Variants in PTPRM observed in about 807,000 individuals in gnomAD.
PTPRM encodes the protein receptor-type tyrosine-protein phosphatase mu.
In PTPRM, 47 loss-of-function variants were observed where a neutral mutation model predicts 186.7. The observed-to-expected ratio is 0.25, with a 90% CI of 0.20 to 0.32. The LOEUF is 0.32. PTPRM is among the 10% of genes least tolerant of loss of function. PTPRM has a pLI of 1.00. For synonymous variants in PTPRM, 668 were observed against 674.9 expected (o/e 0.99, Z 0.16); for missense variants, 1,494 against 1,865.0 (o/e 0.80, Z 3.66).
intron 1 of PTPRM, among the ~76,000 whole-genome samples, chr18:7,745,983 C>T (rs962275703): frequency 2.0e-5 from 3 of 152,000 alleles, no homozygotes; most frequent in Non-Finnish European, 4.4e-5. Context: ...AATACAGAAA[C>T]AAACCTATGA....
rs945669614 is a variant in PTPRM, at chr18:8,088,952, C to G, written c.1856+101C>G. The G allele has an allele frequency of 1.6e-5, 14 of 887,874 alleles. No individual in the cohort carries two copies. In the African/African-American group the frequency reaches 1.8e-4, roughly 12 times the overall value. The allele number at this position is 887,874 out of a possible 1,614,324, so 55.0% of individuals were successfully genotyped here. A position where few individuals can be genotyped will look rare whatever the true frequency, so the allele number is the denominator to read the frequency against. ...TCTAGGGATTTGCTGCAAATCTCAG[C>G]CAGCATGTAAATCCATATGTTTATT... On this transcript the variant is annotated intron_variant, in intron 11 of 32. Transcript: ENST00000580170.
At chr18:7,665,854 G>A (rs753501033) in intron 1 of PTPRM, among the ~76,000 whole-genome samples, 1 of 152,038 alleles carries the variant, frequency 6.6e-6, no homozygotes, top group East Asian at 1.9e-4. Context: ...CCCGGGAGGC[G>A]GAGATTGCAG....
chr18:7,604,904 G>A (rs55669819), intron 1 of PTPRM, among the ~76,000 whole-genome samples: 6,783 of 152,258 alleles, frequency 0.045, 195 homozygotes, highest in South Asian at 0.12. Flanking sequence ...TTTGTCTGTG[G>A]TAGTACACAG....
intron 13 of PTPRM, among the ~76,000 whole-genome samples, chr18:8,115,813 A>G (rs374691722): frequency 2.1e-4 from 32 of 152,190 alleles, no homozygotes; most frequent in East Asian, 1.9e-3. Flanking sequence ...TGCATTTTCA[A>G]AATTCTCACT....
At chr18:7,791,094 G>T (rs1470820785) in intron 2 of PTPRM, among the ~76,000 whole-genome samples, 1 of 152,064 alleles carries the variant, frequency 6.6e-6, no homozygotes, top group Non-Finnish European at 1.5e-5. Flanking sequence ...GCTAAATAAT[G>T]AATTACATTC....
intron 7 of PTPRM, among the ~76,000 whole-genome samples, chr18:8,029,887 G>A (rs899724270): frequency 9.2e-5 from 14 of 152,140 alleles, no homozygotes; most frequent in African/African-American, 2.4e-4. Flanking sequence ...CTGACCATCC[G>A]TGTGGCTGAG....
At chr18:8,300,757 C>G (rs1485663011) in intron 20 of PTPRM, among the ~76,000 whole-genome samples, 3 of 152,270 alleles carry the variant, frequency 2.0e-5, no homozygotes, top group South Asian at 4.1e-4. Context: ...TGTTTCTTTA[C>G]TGGGTTGTGT....
At chr18:7,625,627 C>T (rs192032917) in intron 1 of PTPRM, among the ~76,000 whole-genome samples, 15 of 152,242 alleles carry the variant, frequency 9.9e-5, no homozygotes, top group Admixed American at 4.6e-4. Flanking sequence ...CTCCGCCTCA[C>T]GGGTCCAAGC....
chr18:8,374,820 T>A (rs2095685349), intron 24 of PTPRM, among the ~76,000 whole-genome samples: 1 of 152,256 alleles, frequency 6.6e-6, no homozygotes, highest in African/African-American at 2.4e-5. Flanking sequence ...TCTGCAGTTG[T>A]TTGCTTTTCT....
chr18:8,406,165 G>T lies in PTPRM; in HGVS notation c.*3G>T, dbSNP rs763419214. On this transcript the variant is annotated 3_prime_UTR_variant, in exon 33 of 33. Coordinates refer to ENST00000580170, the MANE Select transcript of PTPRM (RefSeq NM_001105244.2). The stretch of plus-strand genomic sequence containing the variant: ...TGGAATACTTGAATTCTGGCTGATG[G>T]TGTAAACAGCTCTGCAAACAATCCC... 2 of 1,613,490 alleles carry T rather than the reference G, an allele frequency of 1.2e-6. No individual in the cohort carries two copies. The highest frequency in any genetic ancestry group is 3.3e-5 in the Admixed American group (2 of 59,990).
At chr18:8,130,247 G>C (rs993908678) in intron 13 of PTPRM, among the ~76,000 whole-genome samples, 3 of 152,096 alleles carry the variant, frequency 2.0e-5, no homozygotes, top group Non-Finnish European at 4.4e-5. Context: ...GTCTGGGGAG[G>C]TTGTCCTTAG....
intron 2 of PTPRM, among the ~76,000 whole-genome samples, chr18:7,864,171 A>AGC (rs2047544734): frequency 6.6e-6 from 1 of 151,894 alleles, no homozygotes; most frequent in Non-Finnish European, 1.5e-5. Flanking sequence ...ATGATAGTTG[A>AGC]TTTTGCTGCG....
intron 8 of PTPRM, among the ~76,000 whole-genome samples, chr18:8,073,038 A>G (rs1028928998): frequency 9.2e-5 from 14 of 152,134 alleles, no homozygotes; most frequent in Non-Finnish European, 1.8e-4. Flanking sequence ...TAATAAGTCC[A>G]TCCTTCTGAG....
rs201157673 is a variant in PTPRM, at chr18:7,942,282, CAAA to C, written c.664-6884_664-6882del. 2.5e-4 allele frequency among the ~76,000 whole-genome samples: 24 copies of C among 94,220 alleles called. No homozygotes were observed. In the South Asian group the frequency reaches 6.9e-3, roughly 27 times the overall value. The allele number at this position is 94,220 out of a possible 152,430, so 61.8% of individuals were successfully genotyped here. A position where few individuals can be genotyped will look rare whatever the true frequency, so the allele number is the denominator to read the frequency against. On this transcript the variant is annotated intron_variant, in intron 5 of 32. Coordinates refer to ENST00000580170, the MANE Select transcript of PTPRM (RefSeq NM_001105244.2). ...TGGGTGGCAGAGCAAGACTCCGTCT[CAAA>C]AAAAAAAAAAAAAATATTTAATACA...
intron 20 of PTPRM, among the ~76,000 whole-genome samples, chr18:8,308,871 C>T (rs1468932197): frequency 6.6e-6 from 1 of 152,204 alleles, no homozygotes; most frequent in Non-Finnish European, 1.5e-5. Flanking sequence ...TGCTCAGTAA[C>T]TAGTGTGGCC....
At chr18:8,227,582 C>T (rs1484970819) in intron 14 of PTPRM, among the ~76,000 whole-genome samples, 1 of 152,198 alleles carries the variant, frequency 6.6e-6, no homozygotes, top group East Asian at 1.9e-4. Context: ...TATGTGCAGA[C>T]ATCAGTGGCT....
At chr18:7,929,958 A>C (rs2051383813) in intron 5 of PTPRM, among the ~76,000 whole-genome samples, 1 of 152,240 alleles carries the variant, frequency 6.6e-6, no homozygotes, top group Admixed American at 6.5e-5. Context: ...TGAAGAAAAG[A>C]ACTTATTTTT....
At chr18:7,642,417 A>G (rs905319822) in intron 1 of PTPRM, among the ~76,000 whole-genome samples, 23 of 152,304 alleles carry the variant, frequency 1.5e-4, no homozygotes, top group African/African-American at 4.1e-4. Context: ...AATTCCGTGG[A>G]GTTTTTATTA....
At chr18:8,207,264 T>A (rs1447437569) in intron 14 of PTPRM, among the ~76,000 whole-genome samples, 1 of 152,190 alleles carries the variant, frequency 6.6e-6, no homozygotes, top group African/African-American at 2.4e-5. Flanking sequence ...TTCACCAGAA[T>A]AGAAATTGGT....
Sources: gnomAD v4.1 joint callset for allele counts (sites outside exome capture counted in the v4.1 genomes callset) on GRCh38, gnomAD v4.1.1 for gene constraint, MANE v1.5 for transcripts, NCBI Gene and HGNC (gene_info 2026-07-23, HGNC 2026-07-21) for gene names.